The following GABBR2 variants were observed in gnomAD, a reference collection of about 807,000 sequenced individuals.
GABBR2 encodes the protein gamma-aminobutyric acid type B receptor subunit 2.
Under a neutral mutation model 105.6 loss-of-function variants are expected in GABBR2, and 23 were observed. The observed-to-expected ratio is 0.22, with a 90% CI of 0.16 to 0.31. The LOEUF (loss-of-function observed/expected upper bound fraction) is 0.31. Ranked by LOEUF, GABBR2 falls within the 10% of genes least tolerant of loss-of-function variation. The pLI is 1.00. For missense variants in GABBR2, 734 were observed against 1,245.5 expected, an observed-to-expected ratio of 0.59 and a Z score of 6.18; for synonymous variants, 478 against 499.7, an observed-to-expected ratio of 0.96 and a Z score of 0.58.
intron 1 of GABBR2, among the ~76,000 whole-genome samples, chr9:98,641,226 T>A (rs1053340945): frequency 2.6e-5 from 4 of 150,960 alleles, no homozygotes; most frequent in Non-Finnish European, 5.9e-5. Context: ...CTCTGCCTCC[T>A]GGGTTCAAGT....
At chr9:98,603,836 G>A (rs2131807251) in intron 1 of GABBR2, among the ~76,000 whole-genome samples, 1 of 152,272 alleles carries the variant, frequency 6.6e-6, no homozygotes, top group East Asian at 1.9e-4. Context: ...GAGAGCTTCA[G>A]GGACCATAAT....
intron 7 of GABBR2, among the ~76,000 whole-genome samples, chr9:98,448,173 C>T (rs976586142): frequency 6.6e-6 from 1 of 152,008 alleles, no homozygotes; most frequent in Non-Finnish European, 1.5e-5. Flanking sequence ...CTTAATGGGT[C>T]ACTCTCTTTC....
At chr9:98,544,238 A>AC (rs1245829950) in intron 2 of GABBR2, among the ~76,000 whole-genome samples, 4 of 152,186 alleles carry the variant, frequency 2.6e-5, no homozygotes, top group African/African-American at 9.6e-5. Context: ...AAGTTGCTTT[A>AC]CCGCTTCTTC....
chr9:98,502,497 G>T (rs1019597309), intron 3 of GABBR2, among the ~76,000 whole-genome samples: 1 of 152,142 alleles, frequency 6.6e-6, no homozygotes, highest in Non-Finnish European at 1.5e-5. Context: ...TCAGTGTGTG[G>T]GCCAGCCTGT....
intron 1 of GABBR2, among the ~76,000 whole-genome samples, chr9:98,581,523 CAGGG>C (rs1171810479): frequency 2.0e-5 from 2 of 98,558 alleles, no homozygotes; most frequent in Non-Finnish European, 4.9e-5. Flanking sequence ...GGGAGGGAGA[CAGGG>C]AGGGAGGGAG....
rs1182685784 is a variant in GABBR2, at chr9:98,663,246, A to AG, written c.321+45170dup. Reference sequence around the variant, plus strand: ...CAAGGCCAGGAGACCATGCGGGGACAGGCAGGGGTGGGGTGGGGTGGGGTG... The same window carrying AG: ...CAAGGCCAGGAGACCATGCGGGGACAGGGCAGGGGTGGGGTGGGGTGGGGTG... On this transcript the variant is annotated intron_variant, in intron 1 of 18. Coordinates refer to ENST00000259455, the MANE Select transcript of GABBR2 (RefSeq NM_005458.8). 1.4e-4 allele frequency among the ~76,000 whole-genome samples: 8 copies of AG among 59,062 alleles called. No homozygotes were observed. The Admixed American group carries it at 2.3e-3, about 17-fold the overall frequency. The allele number at this position is 59,062 out of a possible 152,430, so 38.7% of individuals were successfully genotyped here. A position where few individuals can be genotyped will look rare whatever the true frequency, so the allele number is the denominator to read the frequency against.
intron 8 of GABBR2, among the ~76,000 whole-genome samples, chr9:98,402,677 G>A: frequency 6.6e-6 from 1 of 152,142 alleles, no homozygotes; most frequent in East Asian, 1.9e-4. Context: ...GTCCTACTGT[G>A]GGAGCTCTGG....
intron 1 of GABBR2, among the ~76,000 whole-genome samples, chr9:98,679,427 T>A (rs1162767441): frequency 2.6e-5 from 4 of 152,226 alleles, no homozygotes; most frequent in African/African-American, 9.6e-5. Flanking sequence ...GAGAAGCCAC[T>A]ATAATAGCAA....
chr9:98,643,848 C>T, intron 1 of GABBR2, among the ~76,000 whole-genome samples: 1 of 152,196 alleles, frequency 6.6e-6, no homozygotes, highest in Non-Finnish European at 1.5e-5. Flanking sequence ...TGCCATGTTG[C>T]CACCAAGAGG....
In GABBR2 at chr9:98,542,049, A is replaced by G. The variant is rs778633817; in HGVS notation, c.460-6T>C. The stretch of plus-strand genomic sequence containing the variant: ...GTGGTTGCAGCAAAAGAAAGCTGAA[A>G]AACACAAAAGAGACAACGCTTTTTA... On this transcript the variant is annotated splice_region_variant and splice_polypyrimidine_tract_variant and intron_variant, in intron 2 of 18. Transcript: ENST00000259455. 6.2e-7 allele frequency: 1 copy of G among 1,613,682 alleles called. No individual in the cohort carries two copies. Among genetic ancestry groups the G allele is most frequent in the South Asian group, 1.1e-5 (1 of 91,028 alleles).
intron 7 of GABBR2, among the ~76,000 whole-genome samples, chr9:98,407,419 G>GT (rs1231972676): frequency 2.0e-5 from 3 of 152,164 alleles, no homozygotes; most frequent in Non-Finnish European, 4.4e-5. Flanking sequence ...GCTGTGAGTA[G>GT]TATCAGTTTG....
At chr9:98,577,755 T>C (rs956533523) in intron 2 of GABBR2, among the ~76,000 whole-genome samples, 180 bp downstream of exon 2, 1 of 152,184 alleles carries the variant, frequency 6.6e-6, no homozygotes, top group African/African-American at 2.4e-5. Context: ...TTTAGAGACC[T>C]ACTGTGGGGG....
chr9:98,405,014 G>T (rs1252367221), intron 8 of GABBR2, among the ~76,000 whole-genome samples: 1 of 152,054 alleles, frequency 6.6e-6, no homozygotes, highest in Non-Finnish European at 1.5e-5. Flanking sequence ...TGTGATAATA[G>T]TACCGTGATT....
chr9:98,353,969 A>T (rs1395220391), intron 13 of GABBR2, among the ~76,000 whole-genome samples: 1 of 152,198 alleles, frequency 6.6e-6, no homozygotes, highest in African/African-American at 2.4e-5. Flanking sequence ...GCTATGATTG[A>T]AAGTTTCCTG....
Position 98,578,024 on chromosome 9 carries a change from C to T in GABBR2, c.370G>A (p.Gly124Arg). Residue 124 changes from glycine (G) to arginine (R), a missense_variant, in exon 2 of 19, where the codon GGG (glycine) becomes AGG (arginine). Physicochemically the swap from Gly to Arg is moderately radical, Grantham distance 125 (BLOSUM62 -2). Coordinates refer to ENST00000259455, the MANE Select transcript of GABBR2 (RefSeq NM_005458.8). ...CCAAACACCATCAAGTGGTTAGGCC[C>T]GTATTTTATTGCATCGTAGAAGGCT... Reference protein sequence around the residue: ...LKAFYDAIKYGPNHLMVFGGV... With the variant: ...LKAFYDAIKYRPNHLMVFGGV... The T allele has an allele frequency of 6.2e-7, 1 of 1,613,882 alleles. No individual in the cohort carries two copies. Among genetic ancestry groups the T allele is most frequent in the Non-Finnish European group, 8.5e-7 (1 of 1,179,816 alleles).
chr9:98,464,169 C>T (rs2131617254), intron 6 of GABBR2, among the ~76,000 whole-genome samples: 1 of 151,468 alleles, frequency 6.6e-6, no homozygotes, highest in East Asian at 2.0e-4. Flanking sequence ...GCCCGGCCGC[C>T]ATCCCGTCTA....
chr9:98,654,481 T>G (rs1830152981), intron 1 of GABBR2, among the ~76,000 whole-genome samples: 1 of 152,230 alleles, frequency 6.6e-6, no homozygotes. Context: ...CTCAACAGCA[T>G]GCTGGCATGG....
At chr9:98,530,939 G>A (rs749060736) in intron 3 of GABBR2, among the ~76,000 whole-genome samples, 26 of 152,096 alleles carry the variant, frequency 1.7e-4, no homozygotes, top group Non-Finnish European at 2.1e-4. Flanking sequence ...GGGTTGCTTC[G>A]CAAGGCTTGA....
intron 7 of GABBR2, among the ~76,000 whole-genome samples, chr9:98,422,866 G>GT (rs1327619219): frequency 4.0e-5 from 6 of 150,992 alleles, no homozygotes; most frequent in Non-Finnish European, 8.8e-5. Flanking sequence ...GCGGTGTTTG[G>GT]TTTTTTGTCC....
Sources: allele counts gnomAD v4.1 joint callset (sites outside exome capture counted in the v4.1 genomes callset), GRCh38; gene constraint gnomAD v4.1.1; transcripts MANE v1.5; gene names NCBI Gene and HGNC (gene_info 2026-07-23, HGNC 2026-07-21).